The following ZNF44 variants were observed in gnomAD, a reference collection of about 807,000 sequenced individuals.
ZNF44 encodes zinc finger protein 44.
Under a neutral mutation model 11.7 loss-of-function variants are expected in ZNF44, and 9 were observed. The ratio of observed to expected loss-of-function variants is 0.77; its 90% CI spans 0.46 to 1.35. The LOEUF (loss-of-function observed/expected upper bound fraction) is 1.35, where lower values mean the gene tolerates loss of function less well. Among genes scored for constraint, ZNF44 ranks in the 40% most tolerant of loss-of-function variants. The pLI is 0.00. For missense variants in ZNF44, 696 were observed against 743.1 expected (o/e 0.94, Z 0.74); for synonymous variants, 224 against 242.7 (o/e 0.92, Z 0.72).
At chr19:12,251,013 C>T (rs1263942641) in intron 5 of ZNF44, among the ~76,000 whole-genome samples, 1 of 151,654 alleles carries the variant, frequency 6.6e-6, no homozygotes, top group Admixed American at 6.6e-5. Context: ...ATTATCTGAG[C>T]TCAAGAGTTC....
chr19:12,288,788 A>ATATAAATG (rs1249173052), intron 1 of ZNF44, among the ~76,000 whole-genome samples: 2 of 131,142 alleles, frequency 1.5e-5, no homozygotes. Flanking sequence ...ATATATATAT[A>ATATAAATG]TATATATATA....
chr19:12,247,153 A>G, downstream of ZNF44: 1 of 329,798 alleles, frequency 3.0e-6, no homozygotes, highest in Non-Finnish European at 4.8e-6. Context: ...TTCTACCTGA[A>G]TTAAGTTATA....
At chr19:12,226,980 C>T (rs1023320389) in intron 3 of ZNF44, among the ~76,000 whole-genome samples, 3 of 152,016 alleles carry the variant, frequency 2.0e-5, no homozygotes, top group African/African-American at 7.2e-5. Context: ...ACAGGAGAAT[C>T]GCTTGAATGT....
exon 8 of ZNF44, chr19:12,247,658 A>T (rs1382115702): frequency 7.4e-6 from 10 of 1,349,784 alleles, no homozygotes; most frequent in African/African-American, 1.5e-5. Context: ...CAGAACTGCA[A>T]CAATAAAAGG....
intron 1 of ZNF44, among the ~76,000 whole-genome samples, chr19:12,281,897 A>C (rs1339586596): frequency 6.6e-6 from 1 of 152,246 alleles, no homozygotes; most frequent in African/African-American, 2.4e-5. Context: ...TAAATGTCCC[A>C]GAAAAAATAA....
rs1444414992 is a variant in ZNF44, at chr19:12,273,497, T to C, written c.758A>G (p.Tyr253Cys). The C allele has an allele frequency of 6.8e-6, 11 of 1,614,054 alleles. No homozygotes were observed. The highest frequency in any genetic ancestry group is 1.1e-5 in the South Asian group (1 of 91,092). ...HEKIHTGEKP[Y>C]ECKQCSKAFP... Reference sequence around the variant, plus strand: ...GGCTTTAGAACACTGCTTACATTCATACGGTTTCTCCCCAGTGTGTATTTT... The same window carrying C: ...GGCTTTAGAACACTGCTTACATTCACACGGTTTCTCCCCAGTGTGTATTTT... Residue 253 changes from tyrosine to cysteine, a missense_variant, in exon 4 of 4, where the codon TAT becomes TGT. Tyr to Cys is a radical substitution (Grantham distance 194, BLOSUM62 -2). Transcript: ENST00000355684.
At chr19:12,255,216 A>G (rs771653191) in intron 5 of ZNF44, among the ~76,000 whole-genome samples, 1 of 152,222 alleles carries the variant, frequency 6.6e-6, no homozygotes, top group Non-Finnish European at 1.5e-5. Context: ...AGAAAAATAT[A>G]TAATCAATTA....
intron 3 of ZNF44, among the ~76,000 whole-genome samples, chr19:12,227,258 T>G (rs1288556434): frequency 6.6e-6 from 1 of 152,122 alleles, no homozygotes; most frequent in African/African-American, 2.4e-5. Flanking sequence ...TAAAACCACC[T>G]TTTTAAAGAG....
chr19:12,288,771 A>ATGTATATAT (rs1253278392), intron 1 of ZNF44, among the ~76,000 whole-genome samples: 19 of 38,370 alleles, frequency 5.0e-4, no homozygotes, highest in African/African-American at 3.1e-3. Context: ...AAAAAAAAAA[A>ATGTATATAT]ATGTATATAT....
chr19:12,278,230 T>C (rs751190718), intron 1 of ZNF44, among the ~76,000 whole-genome samples: 1 of 152,196 alleles, frequency 6.6e-6, no homozygotes, highest in Non-Finnish European at 1.5e-5. Flanking sequence ...TAAGGACAAG[T>C]TCCTGCTGCA....
chr19:12,257,490 A>G (rs1917306863), intron 5 of ZNF44, among the ~76,000 whole-genome samples: 1 of 151,564 alleles, frequency 6.6e-6, no homozygotes, highest in Admixed American at 6.6e-5. Context: ...TCTTTACTTA[A>G]AAAAATACAA....
downstream of ZNF44, among the ~76,000 whole-genome samples, chr19:12,267,770 AC>A (rs1917786415): frequency 6.6e-6 from 1 of 151,216 alleles, no homozygotes; most frequent in Non-Finnish European, 1.5e-5. Context: ...AACTTTATAA[AC>A]CCTTCTTCTA....
chr19:12,262,792 A>C (rs1042960706), intron 5 of ZNF44, among the ~76,000 whole-genome samples: 1 of 152,206 alleles, frequency 6.6e-6, no homozygotes, highest in Non-Finnish European at 1.5e-5. Flanking sequence ...AAGCCAAAGA[A>C]ACGAAAATCC....
chr19:12,250,660 C>T, intron 5 of ZNF44: 1 of 412,020 alleles, frequency 2.4e-6, no homozygotes. Context: ...CATTTTAAGA[C>T]CATCAATTCT....
Position 12,274,996 on chromosome 19 carries a change from G to C in ZNF44, c.168C>G (p.His56Gln). Residue 56 changes from histidine to glutamine, a missense_variant, in exon 3 of 4, where the codon CAC becomes CAG. Physicochemically the swap from His to Gln is conservative, Grantham distance 24. Coordinates refer to ENST00000355684, the MANE Select transcript of ZNF44 (RefSeq NM_016264.4). Reference protein sequence around the residue: ...KWENQNIDDQHQNLRRNPRCD... With the variant: ...KWENQNIDDQQQNLRRNPRCD... ...ACCTTGGATTTCTCCTGAGATTTTG[G>C]TGCTGATCATCAATGTTCTGGTTTT... The C allele has an allele frequency of 1.3e-6, 2 of 1,588,846 alleles. No individual in the cohort carries two copies. Among genetic ancestry groups the C allele is most frequent in the Non-Finnish European group, 1.7e-6 (2 of 1,166,850 alleles).
At chr19:12,249,522 AAAAG>A (rs1460655354) in intron 7 of ZNF44, among the ~76,000 whole-genome samples, 2 of 151,452 alleles carry the variant, frequency 1.3e-5, no homozygotes, top group East Asian at 3.9e-4. Flanking sequence ...AAAAAAAAAA[AAAAG>A]AAAAGAAAGC....
intron 5 of ZNF44, among the ~76,000 whole-genome samples, chr19:12,259,816 T>C (rs1917423563): frequency 6.6e-6 from 1 of 152,178 alleles, no homozygotes; most frequent in African/African-American, 2.4e-5. Flanking sequence ...AACCCAAAGG[T>C]CAAGCTCTCT....
Position 12,272,823 on chromosome 19 carries a change from A to T in ZNF44, c.1432T>A (p.Cys478Ser), listed in dbSNP as rs765366950. 2 of 1,614,008 alleles carry T rather than the reference A, an allele frequency of 1.2e-6. No individual in the cohort carries two copies. Among genetic ancestry groups the T allele is most frequent in the Non-Finnish European group, 1.7e-6 (2 of 1,179,896 alleles). The change falls in exon 4 of 4, where the codon TGT (cysteine) becomes AGT (serine). Residue 478 changes from cysteine (C) to serine (S), a missense_variant. Transcript: ENST00000355684. ...CTAAATGCTTTCCCACACTCCTTAC[A>T]TTCATAAGGCTCCTCTTCACTGTGT... is the stretch of plus-strand genomic sequence containing the variant. ...TTHSEEEPYE[C>S]KECGKAFSSF...
chr19:12,250,161 C>CATTCAATGCT (rs1249127794), intron 6 of ZNF44: 3 of 1,261,356 alleles, frequency 2.4e-6, no homozygotes, highest in Non-Finnish European at 3.1e-6. Context: ...TCACATTCCA[C>CATTCAATGCT]ATCTTGGAAT....
Sources: allele counts gnomAD v4.1 joint callset (sites outside exome capture counted in the v4.1 genomes callset), GRCh38; gene constraint gnomAD v4.1.1; transcripts MANE v1.5; gene names NCBI Gene and HGNC (gene_info 2026-07-23, HGNC 2026-07-21).